Variants in BCL3 observed in about 807,000 individuals in gnomAD.
BCL3 encodes the protein BCL3 transcription coactivator.
BCL3 carries 15 observed loss-of-function variants against 35.7 expected under a neutral mutation model. The observed-to-expected ratio is 0.42, with a 90% CI of 0.28 to 0.65. BCL3 has a LOEUF of 0.65. Ranked by LOEUF, BCL3 falls within the 30% of genes least tolerant of loss-of-function variation. BCL3 has a pLI of 0.22. For missense variants in BCL3, 565 were observed against 641.7 expected (o/e 0.88, Z 1.29); for synonymous variants, 311 against 284.3 (o/e 1.09, Z -0.95).
intron 8 of BCL3, 134 bp downstream of exon 8, chr19:44,758,975 C>A: frequency 1.3e-6 from 1 of 742,030 alleles, no homozygotes. Flanking sequence ...GGAATCCCAA[C>A]CCATAGCCCC....
Position 44,757,776 on chromosome 19 carries a change from C to T in BCL3, c.891+53C>T, listed in dbSNP as rs1007873458. On this transcript the variant is annotated intron_variant, in intron 6 of 8. Transcript: ENST00000164227. The surrounding 1 kb of genome is among the most constrained non-coding windows in gnomAD (Gnocchi z 8.4). ...CCCACCCTATCCTCTGACCCCAACC[C>T]GGCTCTGGCCTCAGCCCCTAGCTCT... 11 of 1,558,442 alleles carry T rather than the reference C, an allele frequency of 7.1e-6. No homozygotes were observed. Among genetic ancestry groups the T allele is most frequent in the South Asian group, 2.2e-5 (2 of 89,618 alleles).
chr19:44,759,483 C>T lies in BCL3; in HGVS notation c.1233C>T (p.Pro411=). The change falls in exon 9 of 9, where the codon CCC becomes CCT. Residue 411 remains proline (P), a synonymous_variant. Transcript: ENST00000164227. ...CCTCCCAGTCTCCCCCCAGGGACCC[C>T]CCTGGATTCCCCATGGCTCCTCCCA... is the stretch of plus-strand genomic sequence containing the variant. ...SSPSQSPPRD[P]PGFPMAPPNF... 6.2e-7 allele frequency: 1 copy of T among 1,612,512 alleles called. No individual in the cohort carries two copies. The highest frequency in any genetic ancestry group is 8.5e-7 in the Non-Finnish European group (1 of 1,179,130).
In BCL3 at chr19:44,759,811, C is replaced by A. The variant is rs1967392299; in HGVS notation, c.*196C>A. On this transcript the variant is annotated 3_prime_UTR_variant, in exon 9 of 9. Coordinates refer to ENST00000164227, the MANE Select transcript of BCL3 (RefSeq NM_005178.5). ...GATGTTCCCCCATCTCGCTCCCTCC[C>A]AGGACTCTGACCCCAGCATTCTCAG... is the stretch of plus-strand genomic sequence containing the variant. 1 of 507,762 alleles carries A rather than the reference C, an allele frequency of 2.0e-6. No individual in the cohort carries two copies. Among genetic ancestry groups the A allele is most frequent in the African/African-American group, 2.0e-5 (1 of 49,648 alleles). The allele number at this position is 507,762 out of a possible 1,614,324, so 31.5% of individuals were successfully genotyped here.
rs571056210 is a variant in BCL3, at chr19:44,758,277, C to A, written c.923C>A (p.Ser308Tyr). The change falls in exon 7 of 9, where the codon TCC becomes TAC. Residue 308 changes from serine (S) to tyrosine (Y), a missense_variant. By Grantham distance (144) the Ser-to-Tyr change is moderately radical. Around this residue, in one of 5 missense-constraint regions of BCL3, gnomAD observed 39 missense variants for 88.1 expected, o/e 0.44. Transcript: ENST00000164227. ...HGANVNAQMY[S>Y]GSSALHSASG... ...GCCAACGTGAACGCGCAAATGTACT[C>A]CGGCAGCTCCGCCCTGCACTCAGCG... 9 of 1,522,454 alleles carry A rather than the reference C, an allele frequency of 5.9e-6. No individual in the cohort carries two copies. The South Asian group carries it at 1.1e-4, about 19-fold the overall frequency. 94.3% of individuals were successfully genotyped at this position (1,522,454 alleles called of 1,614,324 possible).
Position 44,757,013 on chromosome 19 carries a change from C to G in BCL3, c.520-4C>G. 2.5e-6 allele frequency: 4 copies of G among 1,598,848 alleles called. No individual in the cohort carries two copies. The South Asian group carries it at 4.4e-5, about 18-fold the overall frequency. On this transcript the variant is annotated splice_polypyrimidine_tract_variant and splice_region_variant and intron_variant, in intron 3 of 8. Coordinates refer to ENST00000164227, the MANE Select transcript of BCL3 (RefSeq NM_005178.5). The surrounding 1 kb of genome is among the most constrained non-coding windows in gnomAD (Gnocchi z 8.4). ...ACAGGTCCCTCACAGTCACTGTTCC[C>G]CAGACACCGCTCCACCTGGCTGTGA... is the stretch of plus-strand genomic sequence containing the variant.
intron 2 of BCL3, among the ~76,000 whole-genome samples, chr19:44,753,646 G>GGGAGGGCAGTGGGGGCGA (rs1967224192): frequency 6.6e-6 from 1 of 152,170 alleles, no homozygotes; most frequent in Non-Finnish European, 1.5e-5. Context: ...ACACCCGCGG[G>GGGAGGGCAGTGGGGGCGA]GGAGGGCAGT....
chr19:44,748,673 C>T, upstream of BCL3: 2 of 1,040,686 alleles, frequency 1.9e-6, no homozygotes, highest in South Asian at 4.6e-5. Context: ...GGCACCGCCC[C>T]GGCCGACAAA....
intron 1 of BCL3, among the ~76,000 whole-genome samples, chr19:44,750,056 T>C (rs1213930036): frequency 6.6e-6 from 1 of 152,112 alleles, no homozygotes; most frequent in Non-Finnish European, 1.5e-5. Flanking sequence ...CCATCCCCAA[T>C]TGACCCCCAA....
chr19:44,756,977 C>A, intron 3 of BCL3, 40 bp from the exon 4 acceptor site: 3 of 1,542,948 alleles, frequency 1.9e-6, no homozygotes, highest in Non-Finnish European at 1.8e-6. Flanking sequence ...GACTAGAGAG[C>A]AGGGCTGGAC....
At chr19:44,758,471 C>A in intron 7 of BCL3, 58 bp downstream of exon 7, 1 of 1,506,078 alleles carries the variant, frequency 6.6e-7, no homozygotes, top group Non-Finnish European at 8.9e-7. Flanking sequence ...GGGCTGGTTG[C>A]AGGCGAGTGT....
At chr19:44,753,514 T>G (rs938644669) in intron 2 of BCL3, among the ~76,000 whole-genome samples, 6 of 152,084 alleles carry the variant, frequency 3.9e-5, no homozygotes, top group Non-Finnish European at 8.8e-5. Context: ...TCAGCACCCG[T>G]CACTCACTCG....
At position 44,758,237 on chromosome 19, in the gene BCL3, G is replaced by C. The variant is rs760305515; in HGVS notation, c.892-9G>C. 15 of 1,473,486 alleles carry C rather than the reference G, an allele frequency of 1.0e-5. No homozygotes were observed. The South Asian group carries it at 1.9e-4, about 19-fold the overall frequency. 91.3% of individuals were successfully genotyped at this position (1,473,486 alleles called of 1,614,324 possible). A position where few individuals can be genotyped will look rare whatever the true frequency, so the allele number is the denominator to read the frequency against. ...CGCGCCCTCCTGACCCGGCCCTCCC[G>C]TCCCGCAGCACGGCGCCAACGTGAA... On this transcript the variant is annotated splice_polypyrimidine_tract_variant and intron_variant, in intron 6 of 8. Coordinates refer to ENST00000164227, the MANE Select transcript of BCL3 (RefSeq NM_005178.5).
At chr19:44,754,570 C>T (rs942818991) in intron 2 of BCL3, among the ~76,000 whole-genome samples, 3 of 152,190 alleles carry the variant, frequency 2.0e-5, no homozygotes, top group South Asian at 4.1e-4. Flanking sequence ...CGCCCCACCC[C>T]CTGCGGCCCG....
In BCL3 at chr19:44,751,276, T is replaced by C. The variant is rs748322046; in HGVS notation, c.306T>C (p.Pro102=). Reference sequence around the variant, plus strand: ...CTCGGGCCATGGGCTCCCCGTTTCCTCTGGTGAACCTGCCTACACCCCTAT... The same window carrying C: ...CTCGGGCCATGGGCTCCCCGTTTCCCCTGGTGAACCTGCCTACACCCCTAT... ...YPTRAMGSPF[P]LVNLPTPLYP... Residue 102 remains proline, a synonymous_variant, in exon 2 of 9, where the codon CCT becomes CCC. Transcript: ENST00000164227. 1 of 1,611,230 alleles carries C rather than the reference T, an allele frequency of 6.2e-7. No individual in the cohort carries two copies. The highest frequency in any genetic ancestry group is 2.2e-5 in the East Asian group (1 of 44,650).
upstream of BCL3, chr19:44,748,442 C>T (rs1316454614): frequency 6.5e-6 from 1 of 154,432 alleles, no homozygotes; most frequent in African/African-American, 2.4e-5. Flanking sequence ...CCCCACCCCC[C>T]GACCCCGCCT....
At chr19:44,750,061 C>A (rs1967147698) in intron 1 of BCL3, among the ~76,000 whole-genome samples, 1 of 152,124 alleles carries the variant, frequency 6.6e-6, no homozygotes, top group Non-Finnish European at 1.5e-5. Flanking sequence ...CCCAATTGAC[C>A]CCCAAAGCTG....
chr19:44,748,687 C>G, upstream of BCL3: 4 of 1,044,124 alleles, frequency 3.8e-6, no homozygotes, highest in Non-Finnish European at 4.6e-6. Context: ...CGACAAAAGT[C>G]CCTTCAGTTC....
intron 8 of BCL3, among the ~76,000 whole-genome samples, chr19:44,759,149 T>C: frequency 2.5e-5 from 2 of 79,816 alleles, no homozygotes; most frequent in African/African-American, 1.0e-4. Flanking sequence ...GAGTCCAGAT[T>C]TCCAGACCCT....
In BCL3 at chr19:44,748,868, G is replaced by A; in HGVS notation, c.78G>A (p.Pro26=). Residue 26 remains proline (P), a synonymous_variant, in exon 1 of 9, where the codon CCG becomes CCA. Transcript: ENST00000164227. ...LRTRPKAAGL[P]GAALPLRKRP... ...CCCGGCCCAAGGCCGCCGGACTCCCGGGCGCCGCGCTGCCGCTCCGCAAGC... is the reference window on the plus strand; with the variant it reads ...CCCGGCCCAAGGCCGCCGGACTCCCAGGCGCCGCGCTGCCGCTCCGCAAGC... The A allele has an allele frequency of 9.0e-7, 1 of 1,106,964 alleles. No individual in the cohort carries two copies. The highest frequency in any genetic ancestry group is 4.3e-5 in the South Asian group (1 of 23,296). 68.6% of individuals were successfully genotyped at this position (1,106,964 alleles called of 1,614,324 possible). A position where few individuals can be genotyped will look rare whatever the true frequency, so the allele number is the denominator to read the frequency against.
Sources: gnomAD v4.1 joint callset for allele counts (sites outside exome capture counted in the v4.1 genomes callset) on GRCh38, gnomAD v4.1.1 for gene constraint, gnomAD v4.1.1 regional missense constraint, Gnocchi (gnomAD v3.1) non-coding constraint, MANE v1.5 for transcripts, NCBI Gene and HGNC (gene_info 2026-07-23, HGNC 2026-07-21) for gene names.